Variants in SATB2 observed in about 807,000 individuals in gnomAD.
SATB2 encodes the protein SATB homeobox 2, also known as DNA-binding protein SATB2.
Under a neutral mutation model 73.4 loss-of-function variants are expected in SATB2, and 1 was observed. That is an observed-to-expected ratio of 0.01 (90% CI 0.00 to 0.06). SATB2 has a LOEUF of 0.06. Ranked by LOEUF, SATB2 falls within the 10% of genes least tolerant of loss-of-function variation. SATB2 has a pLI of 1.00. For missense variants in SATB2, 459 were observed against 945.8 expected, an observed-to-expected ratio of 0.49 and a Z score of 6.75; for synonymous variants, 397 against 367.0, an observed-to-expected ratio of 1.08 and a Z score of -0.93.
chr2:199,341,005 A>G (rs1252714115), intron 7 of SATB2, among the ~76,000 whole-genome samples: 1 of 152,224 alleles, frequency 6.6e-6, no homozygotes, highest in Non-Finnish European at 1.5e-5. Flanking sequence ...TACATATTTT[A>G]TGAAATCATG....
At chr2:199,326,891 AC>A (rs1186615201) in intron 8 of SATB2, among the ~76,000 whole-genome samples, 1 of 152,202 alleles carries the variant, frequency 6.6e-6, no homozygotes, top group Non-Finnish European at 1.5e-5. Flanking sequence ...TGTAAGTAAC[AC>A]AATTTGGCAG....
At chr2:199,419,007 C>T (rs1188213557) in intron 3 of SATB2, among the ~76,000 whole-genome samples, 1 of 152,222 alleles carries the variant, frequency 6.6e-6, no homozygotes, top group South Asian at 2.1e-4. Context: ...TACAGTGCCA[C>T]TGGTAATCGA....
intron 10 of SATB2, among the ~76,000 whole-genome samples, chr2:199,301,612 C>A (rs1478769476): frequency 2.0e-5 from 3 of 152,118 alleles, no homozygotes; most frequent in Admixed American, 6.6e-5. Context: ...TAAGGTTAAC[C>A]AGTCAATTTC....
At chr2:199,301,706 T>C (rs953643425) in intron 10 of SATB2, among the ~76,000 whole-genome samples, 2 of 151,948 alleles carry the variant, frequency 1.3e-5, no homozygotes, top group Non-Finnish European at 2.9e-5. Context: ...AGTCATGAGG[T>C]AGAGCACGAA....
chr2:199,429,520 CAATT>C (rs1432090708), intron 3 of SATB2, among the ~76,000 whole-genome samples: 1 of 152,102 alleles, frequency 6.6e-6, no homozygotes, highest in Non-Finnish European at 1.5e-5. Context: ...GAAACAGTGA[CAATT>C]AATATACCCC....
intron 7 of SATB2, among the ~76,000 whole-genome samples, chr2:199,333,817 G>A (rs1227474943): frequency 1.3e-5 from 2 of 152,002 alleles, no homozygotes; most frequent in African/African-American, 2.4e-5. Flanking sequence ...AAATGATCAC[G>A]ATTCCATTTA....
At position 199,275,530 on chromosome 2, in the gene SATB2, C is replaced by A. The variant is rs147485570; in HGVS notation, c.1741-2858G>T. Among the ~76,000 whole-genome samples, 3 of 152,188 alleles carry A rather than the reference C, an allele frequency of 2.0e-5. No individual in the cohort carries two copies. In the East Asian group the frequency reaches 5.8e-4, roughly 30 times the overall value. On this transcript the variant is annotated intron_variant, in intron 10 of 10. Transcript: ENST00000417098. ...AAACATGTAGCATCTCCTCTTAATT[C>A]CAATTCGGAGGATTCTCCTCCGAAT...
In SATB2 at chr2:199,308,694, C is replaced by T; in HGVS notation, c.1740+66G>A. 3 of 1,406,754 alleles carry T rather than the reference C, an allele frequency of 2.1e-6. No individual in the cohort carries two copies. Among genetic ancestry groups the T allele is most frequent in the East Asian group, 2.3e-5 (1 of 43,768 alleles). The allele number at this position is 1,406,754 out of a possible 1,614,324, so 87.1% of individuals were successfully genotyped here. On this transcript the variant is annotated intron_variant, in intron 10 of 10. Coordinates refer to ENST00000417098, the MANE Select transcript of SATB2 (RefSeq NM_001172509.2). The surrounding 1 kb of genome is among the most constrained non-coding windows in gnomAD (Gnocchi z 4.6). The stretch of plus-strand genomic sequence containing the variant: ...TTGGTGTGGTGTGTGCCACTTGGAC[C>T]CTCAGCAGCTACTGCTGGCACACAG...
chr2:199,302,855 CA>C (rs1235163766), intron 10 of SATB2, among the ~76,000 whole-genome samples: 2 of 152,160 alleles, frequency 1.3e-5, no homozygotes, highest in Non-Finnish European at 2.9e-5. Flanking sequence ...TGCACTTGAA[CA>C]TTAGCGATAA....
At position 199,440,283 on chromosome 2, in the gene SATB2, C is replaced by G. The variant is rs191453415; in HGVS notation, c.170-6769G>C. Among the ~76,000 whole-genome samples the G allele has an allele frequency of 5.9e-5, 9 of 152,272 alleles. No homozygotes were observed. In the East Asian group the frequency reaches 1.7e-3, roughly 29 times the overall value. ...TGGCCCTGCTGTCCTCTACTAGGCA[C>G]CCAGCCCCCTGGGCTAAGGCAGCCA... On this transcript the variant is annotated intron_variant, in intron 2 of 10. Transcript: ENST00000417098.
chr2:199,386,749 CACACACACACACACACA>C lies in SATB2; in HGVS notation c.347-4946_347-4930del, dbSNP rs1163518047. On this transcript the variant is annotated intron_variant, in intron 3 of 10. Coordinates refer to ENST00000417098, the MANE Select transcript of SATB2 (RefSeq NM_001172509.2). ...ACACACACACACACACACACACACA[CACACACACACACACACA>C]CCTTTGAGTTCAGCCAGGAACATAG... Among the ~76,000 whole-genome samples, 452 of 148,896 alleles carry C rather than the reference CACACACACACACACACA, an allele frequency of 3.0e-3. 1 individual carries two copies. Among genetic ancestry groups the C allele is most frequent in the Non-Finnish European group, 5.5e-3 (370 of 67,634 alleles).
At chr2:199,420,860 CAT>C (rs1319750881) in intron 3 of SATB2, among the ~76,000 whole-genome samples, 3 of 151,972 alleles carry the variant, frequency 2.0e-5, no homozygotes, top group Non-Finnish European at 4.4e-5. Context: ...AATTATGAAA[CAT>C]TGGTTTCATA....
At chr2:199,337,909 A>T (rs1574520048) in intron 7 of SATB2, among the ~76,000 whole-genome samples, 2 of 152,360 alleles carry the variant, frequency 1.3e-5, no homozygotes, top group African/African-American at 4.8e-5. Flanking sequence ...ATATATTTTT[A>T]AAATTGCTTT....
chr2:199,456,069 G>A lies in SATB2; in HGVS notation c.-32C>T, dbSNP rs924938978. 4 of 1,537,512 alleles carry A rather than the reference G, an allele frequency of 2.6e-6. No individual in the cohort carries two copies. Among genetic ancestry groups the A allele is most frequent in the Non-Finnish European group, 3.5e-6 (4 of 1,147,418 alleles). ...CCGACTCGGAGACAAAGTTCCCACC[G>A]GCAGGTCGCAATAAAACGCACAGGG... On this transcript the variant is annotated 5_prime_UTR_variant, in exon 2 of 11. Coordinates refer to ENST00000417098, the MANE Select transcript of SATB2 (RefSeq NM_001172509.2).
chr2:199,445,068 G>C (rs1346046877), intron 2 of SATB2, among the ~76,000 whole-genome samples: 2 of 152,166 alleles, frequency 1.3e-5, no homozygotes, highest in African/African-American at 4.8e-5. Flanking sequence ...ATGTTTGACA[G>C]AATATAAGCT....
chr2:199,401,965 A>G (rs993463054), intron 3 of SATB2, among the ~76,000 whole-genome samples: 5 of 152,172 alleles, frequency 3.3e-5, no homozygotes, highest in Non-Finnish European at 7.3e-5. Context: ...AGTGGATCAG[A>G]AGTAAAAGGC....
At chr2:199,454,747 T>G (rs1038522790) in intron 2 of SATB2, among the ~76,000 whole-genome samples, 1 of 152,142 alleles carries the variant, frequency 6.6e-6, no homozygotes, top group Non-Finnish European at 1.5e-5. Context: ...AATACGATTT[T>G]ATAAAACGTA....
chr2:199,443,639 G>A (rs1216907898), intron 2 of SATB2, among the ~76,000 whole-genome samples: 1 of 151,350 alleles, frequency 6.6e-6, no homozygotes, highest in East Asian at 2.0e-4. Flanking sequence ...CTTAATAGAT[G>A]TGTAGAAAGC....
rs139350909 is a variant in SATB2 at position 199,348,908 on chromosome 2, G to A, written c.966C>T (p.Ala322=). ...AMAHLINQQI[A]VSRLLAHQHP... ...GCTGGTGAGCCAGGAGCCGGCTAAC[G>A]GCAATCTGTTGGTTTATCAGATGGG... The change falls in exon 7 of 11, where the codon GCC becomes GCT. Residue 322 remains alanine, a synonymous_variant. Transcript: ENST00000417098. The A allele has an allele frequency of 1.6e-5, 26 of 1,614,136 alleles. No homozygotes were observed. Among genetic ancestry groups the A allele is most frequent in the Middle Eastern group, 1.7e-4 (1 of 6,060 alleles).
Sources: gnomAD v4.1 joint callset for allele counts (sites outside exome capture counted in the v4.1 genomes callset) on GRCh38, gnomAD v4.1.1 for gene constraint, Gnocchi (gnomAD v3.1) non-coding constraint, MANE v1.5 for transcripts, NCBI Gene and HGNC (gene_info 2026-07-23, HGNC 2026-07-21) for gene names.